Variants in IL1RAPL2 observed in about 807,000 individuals in gnomAD.
IL1RAPL2 encodes X-linked interleukin-1 receptor accessory protein-like 2.
Under a neutral mutation model 44.1 loss-of-function variants are expected in IL1RAPL2, and 3 were observed. The observed-to-expected ratio is 0.07, with a 90% CI of 0.03 to 0.18. IL1RAPL2 has a LOEUF of 0.18. Ranked by LOEUF, IL1RAPL2 falls within the 10% of genes least tolerant of loss-of-function variation. IL1RAPL2 has a pLI of 1.00. For missense variants in IL1RAPL2, 391 were observed against 496.4 expected (o/e 0.79, Z 2.02); for synonymous variants, 181 against 178.8 (o/e 1.01, Z -0.10).
At chrX:105,659,756 T>C (rs1453106134) in intron 6 of IL1RAPL2, among the ~76,000 whole-genome samples, 1 of 110,035 alleles carries the variant, frequency 9.1e-6, no homozygotes, top group Admixed American at 9.6e-5. Flanking sequence ...TCACATTCTC[T>C]TAACAGCAGA....
At chrX:105,023,018 AG>A (rs970857282) in intron 2 of IL1RAPL2, among the ~76,000 whole-genome samples, 5 of 111,060 alleles carry the variant, frequency 4.5e-5, no homozygotes, top group Non-Finnish European at 7.6e-5. Flanking sequence ...TGGTGTAGAA[AG>A]GAGATAGAAT....
At chrX:105,018,375 A>C (rs1176424728) in intron 2 of IL1RAPL2, among the ~76,000 whole-genome samples, 4 of 111,114 alleles carry the variant, frequency 3.6e-5, no homozygotes, top group Non-Finnish European at 7.6e-5. Flanking sequence ...CTACCTTTCT[A>C]TCAACTGCAG....
chrX:104,802,955 C>G (rs1932895294), intron 2 of IL1RAPL2, among the ~76,000 whole-genome samples: 1 of 111,429 alleles, frequency 9.0e-6, no homozygotes, highest in Non-Finnish European at 1.9e-5. Flanking sequence ...GGGAAACTTA[C>G]AGTAGCAAGC....
intron 2 of IL1RAPL2, among the ~76,000 whole-genome samples, chrX:105,015,035 T>G (rs1298738394): frequency 8.9e-6 from 1 of 112,124 alleles, no homozygotes; most frequent in Admixed American, 9.4e-5. Context: ...TATCTCATTG[T>G]GGTTTTGATT....
chrX:105,067,018 T>C (rs2032145724), intron 2 of IL1RAPL2, among the ~76,000 whole-genome samples: 1 of 111,658 alleles, frequency 9.0e-6, no homozygotes, highest in African/African-American at 3.3e-5. Context: ...ATTTGGCAAG[T>C]TTATGTTTCA....
intron 3 of IL1RAPL2, among the ~76,000 whole-genome samples, chrX:105,229,274 A>C (rs1257703036): frequency 1.8e-5 from 2 of 112,239 alleles, no homozygotes; most frequent in Non-Finnish European, 3.8e-5. Context: ...TGGATTACAC[A>C]ACTAATAAAA....
chrX:105,737,648 A>G (rs2038461152), intron 7 of IL1RAPL2, among the ~76,000 whole-genome samples: 1 of 111,583 alleles, frequency 9.0e-6, no homozygotes, highest in Non-Finnish European at 1.9e-5. Context: ...TGTGCCTGGC[A>G]GAGGCTATGG....
rs1367825342 is a variant in IL1RAPL2 at position 105,446,380 on chromosome X, A to T, written c.698-37933A>T. Among the ~76,000 whole-genome samples the T allele has an allele frequency of 7.2e-5, 8 of 110,618 alleles. No homozygotes were observed. In the East Asian group the frequency reaches 2.3e-3, roughly 32 times the overall value. The stretch of plus-strand genomic sequence containing the variant: ...ATCTTTTGATTGGAGAGTTTAATCC[A>T]CCTACATACAATGTTATTATTGACA... On this transcript the variant is annotated intron_variant, in intron 5 of 10. Transcript: ENST00000372582.
chrX:105,168,492 AAGAG>A (rs1224387560), intron 2 of IL1RAPL2, among the ~76,000 whole-genome samples: 2 of 91,263 alleles, frequency 2.2e-5, no homozygotes, highest in East Asian at 6.6e-4. Flanking sequence ...GGGAAGGAGG[AAGAG>A]AGAGAGAGAG....
intron 5 of IL1RAPL2, among the ~76,000 whole-genome samples, chrX:105,275,507 G>A (rs1265731183): frequency 1.8e-5 from 2 of 111,954 alleles, no homozygotes; most frequent in African/African-American, 6.5e-5. Context: ...TTAAGGGAAT[G>A]GATTTGTTGA....
chrX:104,813,942 G>A (rs192675761), intron 2 of IL1RAPL2, among the ~76,000 whole-genome samples: 255 of 111,577 alleles, frequency 2.3e-3, no homozygotes, highest in Non-Finnish European at 3.9e-3. Context: ...TTTGAAGGTC[G>A]GTGGATGTCA....
At chrX:104,890,053 G>T (rs1923376464) in intron 2 of IL1RAPL2, among the ~76,000 whole-genome samples, 1 of 111,141 alleles carries the variant, frequency 9.0e-6, no homozygotes, top group African/African-American at 3.3e-5. Flanking sequence ...TGCAGTGTTT[G>T]GTTTTTTGTC....
intron 2 of IL1RAPL2, among the ~76,000 whole-genome samples, chrX:104,999,661 G>A (rs1282384256): frequency 9.0e-6 from 1 of 111,345 alleles, no homozygotes; most frequent in Non-Finnish European, 1.9e-5. Context: ...AGTATGCGTG[G>A]GTGTTACAAC....
At chrX:104,922,614 C>G (rs946984827) in intron 2 of IL1RAPL2, among the ~76,000 whole-genome samples, 2 of 111,807 alleles carry the variant, frequency 1.8e-5, no homozygotes, top group Non-Finnish European at 3.8e-5. Flanking sequence ...CCGAAGGACT[C>G]TACCCAACAT....
At chrX:104,996,255 G>A (rs944048079) in intron 2 of IL1RAPL2, among the ~76,000 whole-genome samples, 2 of 111,739 alleles carry the variant, frequency 1.8e-5, no homozygotes, top group Non-Finnish European at 3.8e-5. Context: ...GTTATTCAAT[G>A]TGCTAGATAA....
chrX:105,039,592 C>A (rs915181404), intron 2 of IL1RAPL2, among the ~76,000 whole-genome samples: 1 of 111,598 alleles, frequency 9.0e-6, no homozygotes, highest in South Asian at 3.8e-4. Flanking sequence ...AAAGAGAGGT[C>A]CTTCACGTCC....
intron 5 of IL1RAPL2, among the ~76,000 whole-genome samples, chrX:105,296,323 C>T (rs1266744283): frequency 1.8e-5 from 2 of 111,828 alleles, no homozygotes; most frequent in African/African-American, 3.2e-5. Flanking sequence ...CTTTTATAAT[C>T]ATCTCAGCTG....
At chrX:105,696,436 G>A (rs2038076764) in intron 6 of IL1RAPL2, among the ~76,000 whole-genome samples, 1 of 111,324 alleles carries the variant, frequency 9.0e-6, no homozygotes, top group South Asian at 3.8e-4. Context: ...ATGGTAAATA[G>A]CCAAGGAGCA....
intron 2 of IL1RAPL2, among the ~76,000 whole-genome samples, chrX:104,880,429 G>A (rs868567521): frequency 4.5e-5 from 5 of 111,521 alleles, no homozygotes; most frequent in East Asian, 2.8e-4. Flanking sequence ...GACCTTCCAG[G>A]AATCAGATAA....
Sources: gnomAD v4.1 joint callset for allele counts (sites outside exome capture counted in the v4.1 genomes callset) on GRCh38, gnomAD v4.1.1 for gene constraint, MANE v1.5 for transcripts, NCBI Gene and HGNC (gene_info 2026-07-23, HGNC 2026-07-21) for gene names.